Variants in ZNF227 observed in about 807,000 individuals in gnomAD.
ZNF227 encodes the protein zinc finger protein 227.
ZNF227 carries 12 observed loss-of-function variants against 13.2 expected under a neutral mutation model. The observed-to-expected ratio is 0.91, with a 90% CI of 0.58 to 1.47. The LOEUF (loss-of-function observed/expected upper bound fraction) is 1.47. ZNF227 is among the 40% of genes most tolerant of loss of function. The pLI, the probability that ZNF227 is intolerant of heterozygous loss-of-function variation, is 0.00. For missense variants in ZNF227, 885 were observed against 967.5 expected, an observed-to-expected ratio of 0.91 and a Z score of 1.13; for synonymous variants, 338 against 326.0, an observed-to-expected ratio of 1.04 and a Z score of -0.40.
chr19:44,233,046 G>T (rs985016151), intron 5 of ZNF227, among the ~76,000 whole-genome samples: 9 of 152,066 alleles, frequency 5.9e-5, no homozygotes, highest in African/African-American at 2.2e-4. Context: ...TCTTGGGGGT[G>T]GGGTGTCATT....
intron 5 of ZNF227, among the ~76,000 whole-genome samples, chr19:44,234,177 A>G (rs998105784): frequency 6.6e-6 from 1 of 152,188 alleles, no homozygotes; most frequent in African/African-American, 2.4e-5. Flanking sequence ...CCACTTGTCC[A>G]GAGACCTGGA....
At chr19:44,222,561 GT>G (rs1383642697) in intron 3 of ZNF227, among the ~76,000 whole-genome samples, 1 of 151,560 alleles carries the variant, frequency 6.6e-6, no homozygotes, top group Non-Finnish European at 1.5e-5. Flanking sequence ...TTGGCTCTCT[GT>G]TTGTCTGTTA....
rs1193112759 is a variant in ZNF227 at position 44,235,707 on chromosome 19, A to T, written c.1277A>T (p.His426Leu). 3 of 1,614,074 alleles carry T rather than the reference A, an allele frequency of 1.9e-6. No homozygotes were observed. The highest frequency in any genetic ancestry group is 1.1e-5 in the South Asian group (1 of 91,086). ...GFTQAAHFHI[H>L]QRVHTGEKPY... ...ACTCAGGCTGCACATTTTCACATCC[A>T]TCAGAGAGTCCACACTGGAGAGAAA... is the stretch of plus-strand genomic sequence containing the variant. Residue 426 changes from histidine to leucine, a missense_variant, in exon 6 of 6, where the codon CAT becomes CTT. Physicochemically the swap from His to Leu is moderately conservative, Grantham distance 99. Transcript: ENST00000313040.
rs1974403871 is a variant in ZNF227, at chr19:44,235,792, T to C, written c.1362T>C (p.His454=). ...GFSHNSPLIC[H]RRVHTGEKPY... ...GCCACAATTCACCATTAATATGCCATCGGAGAGTCCACACAGGAGAGAAGC... is the reference window on the plus strand; with the variant it reads ...GCCACAATTCACCATTAATATGCCACCGGAGAGTCCACACAGGAGAGAAGC... The change falls in exon 6 of 6, where the codon CAT becomes CAC. Residue 454 remains histidine (H), a synonymous_variant. Coordinates refer to ENST00000313040, the MANE Select transcript of ZNF227 (RefSeq NM_182490.3). 6.2e-7 allele frequency: 1 copy of C among 1,612,826 alleles called. No individual in the cohort carries two copies. Among genetic ancestry groups the C allele is most frequent in the Non-Finnish European group, 8.5e-7 (1 of 1,179,774 alleles).
At chr19:44,215,245 C>T (rs954547162) in intron 2 of ZNF227, among the ~76,000 whole-genome samples, 1 of 150,650 alleles carries the variant, frequency 6.6e-6, no homozygotes, top group African/African-American at 2.4e-5. Flanking sequence ...CGGTTCACTG[C>T]AGCCTCTGCC....
At chr19:44,215,303 G>A (rs1052860794) in intron 2 of ZNF227, among the ~76,000 whole-genome samples, 7 of 151,480 alleles carry the variant, frequency 4.6e-5, no homozygotes, top group Non-Finnish European at 8.8e-5. Context: ...AGTAGCTGAG[G>A]TCAGTTTTTT....
intron 5 of ZNF227, among the ~76,000 whole-genome samples, chr19:44,232,334 CTATATCGCTCTAAGTTTA>C (rs548188195): frequency 1.7e-4 from 26 of 152,342 alleles, no homozygotes; most frequent in South Asian, 1.4e-3. Context: ...AGACTGCTCT[CTATATCGCTCTAAGTTTA>C]TATATCGCTC....
At position 44,212,585 on chromosome 19, in the gene ZNF227, G is replaced by A. The variant is rs1474269280; in HGVS notation, c.-158G>A. 1.3e-5 allele frequency: 2 copies of A among 152,246 alleles called. No homozygotes were observed. Among genetic ancestry groups the A allele is most frequent in the East Asian group, 1.9e-4 (1 of 5,164 alleles). 9.4% of individuals were successfully genotyped at this position (152,246 alleles called of 1,614,324 possible). The stretch of plus-strand genomic sequence containing the variant: ...CCGCCACCATCTTTTGGGTCCGGGA[G>A]GTGAGTCAGCCCTGCACCCCCACGA... On this transcript the variant is annotated splice_region_variant and 5_prime_UTR_variant, in exon 1 of 6. Coordinates refer to ENST00000313040, the MANE Select transcript of ZNF227 (RefSeq NM_182490.3).
chr19:44,236,311 T>C lies in ZNF227; in HGVS notation c.1881T>C (p.Thr627=), dbSNP rs1974495918. The C allele has an allele frequency of 6.2e-7, 1 of 1,613,458 alleles. No homozygotes were observed. Among genetic ancestry groups the C allele is most frequent in the East Asian group, 2.2e-5 (1 of 44,812 alleles). ...TTCGGGTACATCAGAGAGTCCATAC[T>C]GGAGAGAAGCCATACAAATGTGGTG... ...IDFRVHQRVH[T]GEKPYKCGVC... is the part of the protein sequence containing the mutation. The change falls in exon 6 of 6, where the codon ACT becomes ACC. Residue 627 remains threonine (T), a synonymous_variant. Transcript: ENST00000313040.
At chr19:44,211,880 T>G (rs958668186), upstream of ZNF227, among the ~76,000 whole-genome samples, 19 of 148,532 alleles carry the variant, frequency 1.3e-4, no homozygotes, top group African/African-American at 4.8e-4. Flanking sequence ...GATCTGTTTC[T>G]TATAATAGTT....
chr19:44,223,633 G>C (rs1599802040), intron 3 of ZNF227, among the ~76,000 whole-genome samples: 1 of 151,760 alleles, frequency 6.6e-6, no homozygotes, highest in Admixed American at 6.6e-5. Flanking sequence ...TTTTTTATTG[G>C]GTCTATTTGA....
At position 44,229,703 on chromosome 19, in the gene ZNF227, T is replaced by G. The variant is rs756167788; in HGVS notation, c.188-30T>G. The G allele has an allele frequency of 2.0e-6, 3 of 1,518,376 alleles. No homozygotes were observed. In the Admixed American group the frequency reaches 5.4e-5, roughly 28 times the overall value. The allele number at this position is 1,518,376 out of a possible 1,614,324, so 94.1% of individuals were successfully genotyped here. A position where few individuals can be genotyped will look rare whatever the true frequency, so the allele number is the denominator to read the frequency against. On this transcript the variant is annotated intron_variant, in intron 4 of 5. Transcript: ENST00000313040. ...AATGTGTTTTAGTTGTGTGTTCATC[T>G]TAAATACATAAAAATCTACATTTTC...
At chr19:44,214,890 CAGA>C (rs1412312412) in intron 2 of ZNF227, among the ~76,000 whole-genome samples, 4 of 151,612 alleles carry the variant, frequency 2.6e-5, no homozygotes, top group African/African-American at 9.7e-5. Context: ...CCTGACAGCA[CAGA>C]AGGAGGTGAT....
At chr19:44,229,679 A>G in intron 4 of ZNF227, 54 bp from the exon 5 acceptor site, 1 of 1,282,482 alleles carries the variant, frequency 7.8e-7, no homozygotes, top group Non-Finnish European at 1.1e-6. Context: ...TCAGACAAAA[A>G]TGTGTTTTAG....
chr19:44,235,515 G>A lies in ZNF227; in HGVS notation c.1085G>A (p.Ser362Asn), dbSNP rs779880904. The change falls in exon 6 of 6, where the codon AGT becomes AAT. Residue 362 changes from serine (S) to asparagine (N), a missense_variant. Transcript: ENST00000313040. Reference sequence around the variant, plus strand: ...TGCGAGGAATGTGGTAAATGCTTTAGTCAAAGTTCAAATTTTCAGTGCCAT... The same window carrying A: ...TGCGAGGAATGTGGTAAATGCTTTAATCAAAGTTCAAATTTTCAGTGCCAT... ...YKCEECGKCF[S>N]QSSNFQCHQR... The A allele has an allele frequency of 6.2e-7, 1 of 1,614,166 alleles. No individual in the cohort carries two copies. The highest frequency in any genetic ancestry group is 8.5e-7 in the Non-Finnish European group (1 of 1,180,044).
intron 2 of ZNF227, among the ~76,000 whole-genome samples, chr19:44,214,136 TTTTG>T (rs1971600995): frequency 6.6e-6 from 1 of 152,174 alleles, no homozygotes; most frequent in Admixed American, 6.6e-5. Context: ...CTTCACCTAT[TTTTG>T]TTTTTGTTTT....
upstream of ZNF227, chr19:44,207,561 T>G (rs79416402): frequency 0.051 from 7,777 of 152,224 alleles, 244 homozygotes; most frequent in South Asian, 0.086. Flanking sequence ...GCTGGGAAGT[T>G]TTTTCGCTCT....
chr19:44,215,817 G>C (rs1275147124), intron 2 of ZNF227, among the ~76,000 whole-genome samples: 1 of 151,652 alleles, frequency 6.6e-6, no homozygotes, highest in Admixed American at 6.6e-5. Context: ...ATGAAACCCC[G>C]TCTGTACTAA....
At chr19:44,225,162 T>C (rs997839105) in intron 3 of ZNF227, among the ~76,000 whole-genome samples, 2 of 152,204 alleles carry the variant, frequency 1.3e-5, no homozygotes, top group African/African-American at 4.8e-5. Flanking sequence ...GGCTTCCCTT[T>C]GTGGGTAACC....
Sources: gnomAD v4.1 joint callset for allele counts (sites outside exome capture counted in the v4.1 genomes callset) on GRCh38, gnomAD v4.1.1 for gene constraint, MANE v1.5 for transcripts, NCBI Gene and HGNC (gene_info 2026-07-23, HGNC 2026-07-21) for gene names.